FANCA: variants seen among roughly 807,000 people sequenced by gnomAD.
The protein encoded by FANCA is FA complementation group A, also known as Fanconi anemia group A protein.
Under a neutral mutation model 194.3 loss-of-function variants are expected in FANCA, and 236 were observed. That is an observed-to-expected ratio of 1.21 (90% CI 1.09 to 1.35). The LOEUF (loss-of-function observed/expected upper bound fraction) is 1.35, where lower values mean the gene tolerates loss of function less well. Ranked by LOEUF, FANCA falls within the 40% of genes most tolerant of loss-of-function variation. The probability of loss-of-function intolerance (pLI) is 0.00; values close to 1 mark genes in which losing one functional copy is unlikely to be tolerated. For missense variants in FANCA, 2,628 were observed against 1,813.9 expected, an observed-to-expected ratio of 1.45 and a Z score of -8.15; for synonymous variants, 1,014 against 715.8, an observed-to-expected ratio of 1.42 and a Z score of -6.65.
intron 11 of FANCA, among the ~76,000 whole-genome samples, chr16:89,793,265 G>GA (rs2040138036): frequency 6.6e-6 from 1 of 152,126 alleles, no homozygotes; most frequent in African/African-American, 2.4e-5. Flanking sequence ...CGTCTTCCCA[G>GA]ACGCTGCCGT....
chr16:89,778,800 C>A lies in FANCA; in HGVS notation c.1826+1G>T. 1 of 1,613,980 alleles carries A rather than the reference C, an allele frequency of 6.2e-7. No homozygotes were observed. The highest frequency in any genetic ancestry group is 8.5e-7 in the Non-Finnish European group (1 of 1,179,902). ...ATCCCCTTCTAACCGTTGCTGCATA[C>A]CTCTTCAGAGACTCTATAAACGCCA... is the stretch of plus-strand genomic sequence containing the variant. On this transcript the variant is annotated splice_donor_variant, in intron 20 of 42. Transcript: ENST00000389301. LOFTEE classifies it high-confidence loss of function.
rs200272755 is a variant in FANCA, at chr16:89,805,308, A to T, written c.681T>A (p.His227Gln). 2 of 1,614,016 alleles carry T rather than the reference A, an allele frequency of 1.2e-6. No homozygotes were observed. Among genetic ancestry groups the T allele is most frequent in the African/African-American group, 1.3e-5 (1 of 75,034 alleles). Residue 227 changes from histidine to glutamine, a missense_variant, in exon 7 of 43, where the codon CAT (histidine) becomes CAA (glutamine). By Grantham distance (24) the His-to-Gln change is conservative. Coordinates refer to ENST00000389301, the MANE Select transcript of FANCA (RefSeq NM_000135.4). ...AAAGCATGGCCCTGGCGACGTCAGCATGCTGGCAGGATGCTTCCATCTGTT... is the reference window on the plus strand; with the variant it reads ...AAAGCATGGCCCTGGCGACGTCAGCTTGCTGGCAGGATGCTTCCATCTGTT... Reference protein sequence around the residue: ...LCEQMEASCQHADVARAMLSD... With the variant: ...LCEQMEASCQQADVARAMLSD...
intron 28 of FANCA, among the ~76,000 whole-genome samples, chr16:89,763,458 G>T (rs1016967206): frequency 6.6e-6 from 1 of 151,888 alleles, no homozygotes; most frequent in African/African-American, 2.4e-5. Context: ...TTATAGGCAT[G>T]AGCCACTGTG....
chr16:89,758,457 G>C, intron 30 of FANCA, 120 bp downstream of exon 30: 2 of 1,237,846 alleles, frequency 1.6e-6, no homozygotes, highest in Non-Finnish European at 2.3e-6. Flanking sequence ...TATAGGCTGG[G>C]AAAGGCAGAC....
chr16:89,769,031 G>C (rs1425726267), intron 26 of FANCA, among the ~76,000 whole-genome samples: 1 of 152,196 alleles, frequency 6.6e-6, no homozygotes, highest in East Asian at 1.9e-4. Context: ...CCATGTCTGA[G>C]GTGTGGGATC....
At chr16:89,791,877 C>T (rs900185966) in intron 13 of FANCA, 50 bp downstream of exon 13, 1 of 1,611,598 alleles carries the variant, frequency 6.2e-7, no homozygotes, top group African/African-American at 1.3e-5. Flanking sequence ...TGCTGACACC[C>T]CCCTACACAC....
chr16:89,778,627 T>TAAAAA lies in FANCA; in HGVS notation c.1826+169_1826+173dup, dbSNP rs397693835. Among the ~76,000 whole-genome samples the TAAAAA allele has an allele frequency of 0.011, 314 of 29,862 alleles. 9 individuals carry two copies. The highest frequency in any genetic ancestry group is 0.018 in the East Asian group (14 of 782). The allele number at this position is 29,862 out of a possible 152,430, so 19.6% of individuals were successfully genotyped here. A position where few individuals can be genotyped will look rare whatever the true frequency, so the allele number is the denominator to read the frequency against. On this transcript the variant is annotated intron_variant, in intron 20 of 42. Coordinates refer to ENST00000389301, the MANE Select transcript of FANCA (RefSeq NM_000135.4). ...CTGGGTGACAGAGTGAGACTCCAAC[T>TAAAAA]AAAAAAAAAAAAAAAAAAAAAAAAA...
In FANCA at chr16:89,792,785, T is replaced by C. The variant is rs991847531; in HGVS notation, c.1007-238A>G. ...GAATGTCTGGTTGTGCTGTTATTTA[T>C]TGGATACAAAGCAAAAGGGGCAGGG... On this transcript the variant is annotated intron_variant, in intron 11 of 42. Transcript: ENST00000389301. 1.3e-5 allele frequency: 6 copies of C among 459,156 alleles called. No individual in the cohort carries two copies. In the East Asian group the frequency reaches 2.6e-4, roughly 20 times the overall value. 28.4% of individuals were successfully genotyped at this position (459,156 alleles called of 1,614,324 possible). A position where few individuals can be genotyped will look rare whatever the true frequency, so the allele number is the denominator to read the frequency against.
At chr16:89,775,523 G>C (rs534926474) in intron 21 of FANCA, among the ~76,000 whole-genome samples, 2 of 152,232 alleles carry the variant, frequency 1.3e-5, no homozygotes, top group African/African-American at 2.4e-5. Context: ...ACTCCTTTCC[G>C]GAAGGTGCTA....
At chr16:89,779,846 G>T in intron 18 of FANCA, 23 bp downstream of exon 18, 1 of 1,604,890 alleles carries the variant, frequency 6.2e-7, no homozygotes, top group Non-Finnish European at 8.5e-7. Context: ...GCTGCTAGAG[G>T]CCTTTTCGGC....
In FANCA at chr16:89,796,037, G is replaced by A. The variant is rs778340658; in HGVS notation, c.894-19C>T. 3 of 1,598,330 alleles carry A rather than the reference G, an allele frequency of 1.9e-6. No homozygotes were observed. Among genetic ancestry groups the A allele is most frequent in the Admixed American group, 1.7e-5 (1 of 60,018 alleles). ...TCCGAACCTGCCAATGCAGCAGAAA[G>A]AGGGGTCAGGAAAGGGAGGGTGCCT... is the stretch of plus-strand genomic sequence containing the variant. On this transcript the variant is annotated intron_variant, in intron 10 of 42. Coordinates refer to ENST00000389301, the MANE Select transcript of FANCA (RefSeq NM_000135.4).
chr16:89,754,234 AC>A lies in FANCA; in HGVS notation c.2982-2013del, dbSNP rs1567607218. ...GAGACTCCGTCTCAGAAAAAAAAAA[AC>A]AAAACAAAACAACAACAAAAAAAAC... On this transcript the variant is annotated intron_variant, in intron 30 of 42. Transcript: ENST00000389301. Among the ~76,000 whole-genome samples, 288 of 147,670 alleles carry A rather than the reference AC, an allele frequency of 2.0e-3. 1 individual carries two copies. The highest frequency in any genetic ancestry group is 6.8e-3 in the African/African-American group (274 of 40,548).
chr16:89,804,227 A>G (rs1177269626), intron 7 of FANCA, among the ~76,000 whole-genome samples: 1 of 152,200 alleles, frequency 6.6e-6, no homozygotes, highest in Non-Finnish European at 1.5e-5. Context: ...GCTACTGTAC[A>G]GATCAGTTTC....
chr16:89,802,622 C>G (rs557822347), intron 8 of FANCA, among the ~76,000 whole-genome samples: 3 of 152,080 alleles, frequency 2.0e-5, no homozygotes, highest in African/African-American at 7.2e-5. Context: ...CCAGGATGGT[C>G]TCGATCTCCT....
At chr16:89,754,160 T>G (rs2038691939) in intron 30 of FANCA, among the ~76,000 whole-genome samples, 1 of 151,990 alleles carries the variant, frequency 6.6e-6, no homozygotes, top group Non-Finnish European at 1.5e-5. Flanking sequence ...AGGCGAAGGT[T>G]TCGGTAAGCC....
At position 89,791,228 on chromosome 16, in the gene FANCA, G is replaced by A. The variant is rs1260804888; in HGVS notation, c.1359+175C>T. On this transcript the variant is annotated intron_variant, in intron 14 of 42. Transcript: ENST00000389301. ...GGAAGATCCGCTGAGGCCCCGACAGGGAGAACCCAGGCTCCTCGGCACACG... is the reference window on the plus strand; with the variant it reads ...GGAAGATCCGCTGAGGCCCCGACAGAGAGAACCCAGGCTCCTCGGCACACG... 13 of 833,076 alleles carry A rather than the reference G, an allele frequency of 1.6e-5. No individual in the cohort carries two copies. In the East Asian group the frequency reaches 3.2e-4, roughly 21 times the overall value. 51.6% of individuals were successfully genotyped at this position (833,076 alleles called of 1,614,324 possible).
At chr16:89,788,816 AAAC>A (rs2039977778) in intron 14 of FANCA, among the ~76,000 whole-genome samples, 1 of 152,164 alleles carries the variant, frequency 6.6e-6, no homozygotes, top group African/African-American at 2.4e-5. Context: ...AAACAGAAAA[AAAC>A]AAAAAACCTC....
intron 21 of FANCA, among the ~76,000 whole-genome samples, chr16:89,774,888 G>T (rs1395573613): frequency 6.6e-6 from 1 of 151,934 alleles, no homozygotes; most frequent in African/African-American, 2.4e-5. Context: ...GAGGTCAGGA[G>T]TTCGAGACCA....
chr16:89,813,409 T>G (rs368693121), intron 3 of FANCA, among the ~76,000 whole-genome samples: 1 of 139,614 alleles, frequency 7.2e-6, no homozygotes, highest in Admixed American at 7.2e-5. Context: ...CCCTGTCTGT[T>G]AAAAAAAAAA....
Sources: allele counts gnomAD v4.1 joint callset (sites outside exome capture counted in the v4.1 genomes callset), GRCh38; gene constraint gnomAD v4.1.1; transcripts MANE v1.5; gene names NCBI Gene and HGNC (gene_info 2026-07-23, HGNC 2026-07-21).